The following PDE4C variants were observed in gnomAD, a reference collection of about 807,000 sequenced individuals.
PDE4C encodes the protein phosphodiesterase 4C, also known as 3',5'-cyclic-AMP phosphodiesterase 4C.
In PDE4C, 50 loss-of-function variants were observed where a neutral mutation model predicts 63.9. The ratio of observed to expected loss-of-function variants is 0.78; its 90% CI spans 0.62 to 0.99. The LOEUF is 0.99. Ranked by LOEUF, PDE4C falls within the 50% of genes least tolerant of loss-of-function variation. PDE4C has a pLI of 0.00. For synonymous variants in PDE4C, 377 were observed against 385.1 expected, an observed-to-expected ratio of 0.98 and a Z score of 0.25; for missense variants, 777 against 899.1, an observed-to-expected ratio of 0.86 and a Z score of 1.74.
chr19:18,248,436 C>T (rs1023762064), upstream of PDE4C, among the ~76,000 whole-genome samples: 19 of 3,046 alleles, frequency 6.2e-3, no homozygotes, highest in African/African-American at 1.4e-3. Flanking sequence ...GGGGGAGGGG[C>T]GGGGAGGGCA....
At chr19:18,211,113 C>G in exon 15 of PDE4C, 1 of 1,614,174 alleles carries the variant, frequency 6.2e-7, no homozygotes. Context: ...TCTGTCAGGC[C>G]CGTCCCGCTC....
At chr19:18,249,296 A>T (rs556682942), upstream of PDE4C, among the ~76,000 whole-genome samples, 2 of 151,956 alleles carry the variant, frequency 1.3e-5, no homozygotes, top group Admixed American at 1.3e-4. Context: ...TTGTTTTGAG[A>T]CAGGGTCTCA....
chr19:18,241,019 C>T lies in PDE4C; in HGVS notation c.-210+7152G>A, dbSNP rs115943735. Among the ~76,000 whole-genome samples, 725 of 152,132 alleles carry T rather than the reference C, an allele frequency of 4.8e-3. 2 individuals are homozygous for T. Among genetic ancestry groups the T allele is most frequent in the African/African-American group, 0.012 (499 of 41,542 alleles). On this transcript the variant is annotated intron_variant, in intron 1 of 15. Coordinates refer to the PDE4C transcript ENST00000594617. Reference sequence around the variant, plus strand: ...ATCTCATCCTTCTAGGACTGTTCCCCGCATTTGAGCACAACTTGTCCCCAC... The same window carrying T: ...ATCTCATCCTTCTAGGACTGTTCCCTGCATTTGAGCACAACTTGTCCCCAC...
chr19:18,226,535 G>A (rs1288035074), upstream of PDE4C: 2 of 718,466 alleles, frequency 2.8e-6, no homozygotes, highest in Non-Finnish European at 2.0e-6. Flanking sequence ...CCTCGAGGCC[G>A]GCGGCTCCCT....
At chr19:18,228,564 C>G (rs1382135751), upstream of PDE4C, among the ~76,000 whole-genome samples, 1 of 152,168 alleles carries the variant, frequency 6.6e-6, no homozygotes, top group Non-Finnish European at 1.5e-5. Context: ...CTCATTTCAT[C>G]CCCTCTGTAG....
intron 13 of PDE4C, among the ~76,000 whole-genome samples, chr19:18,212,308 C>T (rs116436178): frequency 0.013 from 2,029 of 151,640 alleles, 44 homozygotes; most frequent in Admixed American, 0.057. Context: ...CCCAGCCTCC[C>T]GAGTAACTGG....
chr19:18,253,215 C>G, the PDE4C span, among the ~76,000 whole-genome samples: 1 of 152,148 alleles, frequency 6.6e-6, no homozygotes, highest in Non-Finnish European at 1.5e-5. Context: ...GTTGGTGCCT[C>G]TGACAGTTCA....
At chr19:18,235,060 T>C (rs1968927238), upstream of PDE4C, among the ~76,000 whole-genome samples, 1 of 152,184 alleles carries the variant, frequency 6.6e-6, no homozygotes, top group African/African-American at 2.4e-5. Flanking sequence ...CTTGGCATCA[T>C]TGCAAGGACT....
At chr19:18,228,335 C>T (rs57672243), upstream of PDE4C, among the ~76,000 whole-genome samples, 955 of 152,124 alleles carry the variant, frequency 6.3e-3, 13 homozygotes, top group African/African-American at 0.022. Flanking sequence ...ACATGCAGCA[C>T]TCAGCCAACA....
chr19:18,211,610 G>C, intron 14 of PDE4C, 149 bp downstream of exon 14: 1 of 816,840 alleles, frequency 1.2e-6, no homozygotes, highest in South Asian at 1.6e-5. Flanking sequence ...AGAGAGAATG[G>C]ATCCCAGGTC....
rs749575360 is a variant in PDE4C at position 18,220,865 on chromosome 19, G to T, written c.499+9C>A. Reference sequence around the variant, plus strand: ...CCTCAGCGGGGGAGGGAAGGAACAGGTACTTTACCTGCAGGAGGGAGCTGA... The same window carrying T: ...CCTCAGCGGGGGAGGGAAGGAACAGTTACTTTACCTGCAGGAGGGAGCTGA... On this transcript the variant is annotated intron_variant, in intron 5 of 14. Coordinates refer to ENST00000262805, the Ensembl canonical transcript of PDE4C. This position sits in a 1 kb window ranked among gnomAD's most constrained non-coding sequence, Gnocchi z 5.1. 4 of 1,607,276 alleles carry T rather than the reference G, an allele frequency of 2.5e-6. No homozygotes were observed. The Admixed American group carries it at 5.1e-5, about 21-fold the overall frequency.
At chr19:18,216,989 C>T (rs1045385542) in intron 11 of PDE4C, 94 bp from the exon 12 acceptor site, 1 of 1,429,704 alleles carries the variant, frequency 7.0e-7, no homozygotes. Context: ...AACTCCTACC[C>T]ATGCGTTGAA....
intron 4 of PDE4C, 82 bp downstream of exon 4, chr19:18,221,023 C>T (rs550430671): frequency 2.8e-5 from 42 of 1,514,040 alleles, no homozygotes; most frequent in Non-Finnish European, 3.7e-5. Flanking sequence ...GGCGCCGGAG[C>T]CCCAGCCTCA....
Position 18,220,330 on chromosome 19 carries a change from GAGA to G in PDE4C, c.613-14_613-12del. On this transcript the variant is annotated splice_polypyrimidine_tract_variant and intron_variant, in intron 6 of 14. Transcript: ENST00000262805. This position sits in a 1 kb window ranked among gnomAD's most constrained non-coding sequence, Gnocchi z 5.1. Reference sequence around the variant, plus strand: ...CAGGATCCGCTTGAACTGGGGCGGAGAGAAGGTGAAGACCGTGATGATGGGGCA... The same window carrying G: ...CAGGATCCGCTTGAACTGGGGCGGAGAGGTGAAGACCGTGATGATGGGGCA... 4 of 1,614,048 alleles carry G rather than the reference GAGA, an allele frequency of 2.5e-6. No individual in the cohort carries two copies. In the South Asian group the frequency reaches 3.3e-5, roughly 13 times the overall value.
intron 13 of PDE4C, among the ~76,000 whole-genome samples, chr19:18,212,679 T>C (rs1353705880): frequency 1.4e-5 from 2 of 148,056 alleles, no homozygotes; most frequent in South Asian, 2.2e-4. Flanking sequence ...AAAATTGTTT[T>C]TGTTTGTTTG....
At chr19:18,219,335 G>A (rs201138155) in exon 8 of PDE4C, 309 of 1,614,016 alleles carry the variant, frequency 1.9e-4, no homozygotes, top group Non-Finnish European at 2.3e-4. Flanking sequence ...CCACTGATCC[G>A]GGACATGGGC....
At chr19:18,215,826 CTTTT>C (rs1968168043) in intron 12 of PDE4C, among the ~76,000 whole-genome samples, 1 of 140,922 alleles carries the variant, frequency 7.1e-6, no homozygotes, top group South Asian at 2.2e-4. Context: ...TAATTTTTTT[CTTTT>C]CTTTTTTTTT....
upstream of PDE4C, chr19:18,252,296 A>G (rs1969239986): frequency 2.5e-6 from 1 of 399,078 alleles, no homozygotes; most frequent in Non-Finnish European, 4.4e-6. Context: ...GCTGGATGGT[A>G]GGGGTTGCCC....
At chr19:18,215,608 G>A (rs955753784) in intron 12 of PDE4C, among the ~76,000 whole-genome samples, 10 of 151,662 alleles carry the variant, frequency 6.6e-5, no homozygotes, top group African/African-American at 1.5e-4. Flanking sequence ...TCCGCCTCCC[G>A]GGTTCAAATG....
Sources: allele counts gnomAD v4.1 joint callset (sites outside exome capture counted in the v4.1 genomes callset), GRCh38; gene constraint gnomAD v4.1.1; non-coding constraint Gnocchi (gnomAD v3.1); transcripts MANE v1.5; gene names NCBI Gene and HGNC (gene_info 2026-07-23, HGNC 2026-07-21).